The following ARRB1 variants were observed in gnomAD, a reference collection of about 807,000 sequenced individuals.
ARRB1 encodes the protein beta-arrestin-1.
Under a neutral mutation model 56.8 loss-of-function variants are expected in ARRB1, and 21 were observed. The ratio of observed to expected loss-of-function variants is 0.37; its 90% CI spans 0.26 to 0.53. The LOEUF is 0.53. ARRB1 is among the 20% of genes least tolerant of loss of function. ARRB1 has a pLI of 0.88. For synonymous variants in ARRB1, 210 were observed against 218.6 expected (o/e 0.96, Z 0.35); for missense variants, 424 against 553.7 (o/e 0.77, Z 2.35).
At chr11:75,336,223 C>A (rs1313688562) in intron 1 of ARRB1, among the ~76,000 whole-genome samples, 4 of 152,226 alleles carry the variant, frequency 2.6e-5, no homozygotes, top group Non-Finnish European at 4.4e-5. Flanking sequence ...TAATAGAAAT[C>A]AAAAAAGTGA....
At chr11:75,328,572 C>A (rs1947474940) in intron 1 of ARRB1, among the ~76,000 whole-genome samples, 1 of 152,240 alleles carries the variant, frequency 6.6e-6, no homozygotes, top group African/African-American at 2.4e-5. Flanking sequence ...ACCAGCCATT[C>A]ACCCATCCCA....
intron 1 of ARRB1, among the ~76,000 whole-genome samples, chr11:75,305,469 T>TCC (rs1947007315): frequency 6.6e-6 from 1 of 152,224 alleles, no homozygotes; most frequent in Admixed American, 6.5e-5. Flanking sequence ...TGTCTACTGT[T>TCC]CATCTCTTCC....
intron 1 of ARRB1, among the ~76,000 whole-genome samples, chr11:75,336,266 G>A (rs183491297): frequency 4.4e-4 from 67 of 152,288 alleles, no homozygotes; most frequent in Admixed American, 1.6e-3. Flanking sequence ...ATGTGTCTGA[G>A]GAAGAGCACA....
At chr11:75,273,842 A>G (rs1946130669) in intron 11 of ARRB1, among the ~76,000 whole-genome samples, 1 of 152,202 alleles carries the variant, frequency 6.6e-6, no homozygotes, top group African/African-American at 2.4e-5. Context: ...AGAGCCCAGC[A>G]CTGCCTGAGT....
At chr11:75,308,983 G>A (rs1039906503) in intron 1 of ARRB1, among the ~76,000 whole-genome samples, 1 of 152,230 alleles carries the variant, frequency 6.6e-6, no homozygotes, top group African/African-American at 2.4e-5. Flanking sequence ...ATAACTCAAG[G>A]AGAAAAAGCC....
intron 14 of ARRB1, 27 bp from the exon 15 acceptor site, chr11:75,267,730 GT>G (rs749757229): frequency 1.3e-6 from 2 of 1,593,308 alleles, no homozygotes; most frequent in Non-Finnish European, 1.7e-6. Flanking sequence ...TGGGCAGGGT[GT>G]CCAGGGATTA....
chr11:75,326,222 G>A (rs1947431219), intron 1 of ARRB1, among the ~76,000 whole-genome samples: 1 of 152,304 alleles, frequency 6.6e-6, no homozygotes, highest in Middle Eastern at 3.4e-3. Flanking sequence ...CGGAGGATGT[G>A]CGAGAGCTCC....
chr11:75,343,965 G>A (rs1460640645), intron 1 of ARRB1, among the ~76,000 whole-genome samples: 6 of 152,016 alleles, frequency 3.9e-5, no homozygotes, highest in Non-Finnish European at 7.4e-5. Context: ...ACAGGCGCCC[G>A]CCACCACGCC....
intron 1 of ARRB1, among the ~76,000 whole-genome samples, chr11:75,301,186 A>C (rs1204627875): frequency 1.3e-5 from 2 of 151,326 alleles, no homozygotes; most frequent in African/African-American, 4.8e-5. Context: ...AGCAATGAGG[A>C]AGATCTTGAA....
At position 75,261,206 on chromosome 11, in the gene ARRB1, G is replaced by GTGTGTGTGTGTGTGTGTGTGTA. The variant is rs1555149827; in HGVS notation, c.*4956_*4957insTACACACACACACACACACACA. On this transcript the variant is annotated 3_prime_UTR_variant, in exon 16 of 16. Coordinates refer to ENST00000420843, the MANE Select transcript of ARRB1 (RefSeq NM_004041.5). Reference sequence around the variant, plus strand: ...CGTGTGTGTGTGTGTGTGTGTGTGTGTGTGTGTGTGTGTGTATAAATGCTT... The same window carrying GTGTGTGTGTGTGTGTGTGTGTA: ...CGTGTGTGTGTGTGTGTGTGTGTGTGTGTGTGTGTGTGTGTGTGTGTATGTGTGTGTGTGTGTATAAATGCTT... 1 of 152,026 alleles carries GTGTGTGTGTGTGTGTGTGTGTA rather than the reference G, an allele frequency of 6.6e-6. No homozygotes were observed. The highest frequency in any genetic ancestry group is 2.4e-5 in the African/African-American group (1 of 41,158). 9.4% of individuals were successfully genotyped at this position (152,026 alleles called of 1,614,324 possible).
chr11:75,295,859 G>T (rs373200031), intron 1 of ARRB1, among the ~76,000 whole-genome samples: 2 of 152,150 alleles, frequency 1.3e-5, no homozygotes, highest in African/African-American at 4.8e-5. Flanking sequence ...GGTTCTTACC[G>T]GCCACAGGCT....
intron 11 of ARRB1, among the ~76,000 whole-genome samples, chr11:75,273,847 C>CT (rs1463278802): frequency 6.6e-6 from 1 of 152,228 alleles, no homozygotes; most frequent in African/African-American, 2.4e-5. Flanking sequence ...CCAGCACTGC[C>CT]TGAGTGAGCT....
At chr11:75,266,370 C>T in intron 15 of ARRB1, 96 bp from the exon 16 acceptor site, 3 of 1,034,162 alleles carry the variant, frequency 2.9e-6, no homozygotes, top group South Asian at 2.7e-5. Context: ...GAGTATGGCT[C>T]TGGGGCCGGG....
chr11:75,286,870 G>T (rs890887225), intron 3 of ARRB1, among the ~76,000 whole-genome samples: 4 of 152,162 alleles, frequency 2.6e-5, no homozygotes, highest in Non-Finnish European at 5.9e-5. Context: ...TCACAAGGAA[G>T]CAGAACAAAG....
intron 11 of ARRB1, 39 bp downstream of exon 11, chr11:75,274,035 A>G: frequency 6.2e-7 from 1 of 1,613,654 alleles, no homozygotes; most frequent in Non-Finnish European, 8.5e-7. Context: ...ATCAGGCAAG[A>G]TGCACTAGGA....
intron 3 of ARRB1, among the ~76,000 whole-genome samples, chr11:75,287,043 T>C (rs1394514783): frequency 6.6e-6 from 1 of 152,156 alleles, no homozygotes; most frequent in Non-Finnish European, 1.5e-5. Flanking sequence ...CGCCTTATAG[T>C]AAGTGGCGGT....
chr11:75,306,550 T>A (rs1239319171), intron 1 of ARRB1: 2 of 1,231,486 alleles, frequency 1.6e-6, no homozygotes, highest in South Asian at 2.5e-5. Flanking sequence ...TAGAAAGTCT[T>A]ACCCCATTTT....
chr11:75,330,242 C>T (rs1565143036), intron 1 of ARRB1, among the ~76,000 whole-genome samples: 1 of 152,084 alleles, frequency 6.6e-6, no homozygotes, highest in Non-Finnish European at 1.5e-5. Flanking sequence ...TTCAATTCCT[C>T]AACTACAAAC....
At chr11:75,287,759 C>T (rs1946515129) in intron 2 of ARRB1, among the ~76,000 whole-genome samples, 1 of 152,222 alleles carries the variant, frequency 6.6e-6, no homozygotes, top group South Asian at 2.1e-4. Flanking sequence ...GAGCGCTGAG[C>T]CCTCAGAGGC....
Sources: allele counts gnomAD v4.1 joint callset (sites outside exome capture counted in the v4.1 genomes callset), GRCh38; gene constraint gnomAD v4.1.1; transcripts MANE v1.5; gene names NCBI Gene and HGNC (gene_info 2026-07-23, HGNC 2026-07-21).